The following CNTNAP4 variants were observed in gnomAD, a reference collection of about 807,000 sequenced individuals.
CNTNAP4 encodes contactin-associated protein-like 4.
A neutral mutation model predicts 148.4 loss-of-function variants in CNTNAP4; 98 were observed. The observed-to-expected ratio is 0.66, with a 90% CI of 0.56 to 0.78. The LOEUF (loss-of-function observed/expected upper bound fraction) is 0.78, where lower values mean the gene tolerates loss of function less well. Ranked by LOEUF, CNTNAP4 falls within the 30% of genes least tolerant of loss-of-function variation. The pLI is 0.00. For synonymous variants in CNTNAP4, 730 were observed against 565.1 expected (o/e 1.29, Z -4.14); for missense variants, 1,935 against 1,565.6 (o/e 1.24, Z -3.98).
intron 3 of CNTNAP4, among the ~76,000 whole-genome samples, chr16:76,359,595 G>C (rs910401057): frequency 1.3e-5 from 2 of 152,064 alleles, no homozygotes; most frequent in Admixed American, 6.5e-5. Flanking sequence ...ATGCAAACTT[G>C]ATAGATATGT....
chr16:76,420,279 A>AATGTATATTCTGTAG (rs2079141997), intron 3 of CNTNAP4, among the ~76,000 whole-genome samples: 1 of 150,214 alleles, frequency 6.7e-6, no homozygotes, highest in Admixed American at 6.6e-5. Flanking sequence ...TATAGGAGAT[A>AATGTATATTCTGTAG]AATATTAATT....
At chr16:76,383,057 C>A (rs897797633) in intron 3 of CNTNAP4, among the ~76,000 whole-genome samples, 1 of 151,486 alleles carries the variant, frequency 6.6e-6, no homozygotes, top group Non-Finnish European at 1.5e-5. Flanking sequence ...GCCAGAGAAT[C>A]AACTCATTAG....
intron 3 of CNTNAP4, among the ~76,000 whole-genome samples, chr16:76,360,530 A>C (rs566140597): frequency 3.6e-4 from 55 of 152,280 alleles, no homozygotes; most frequent in African/African-American, 1.2e-3. Flanking sequence ...TACAAGCAGC[A>C]TTTGTGGTGA....
intron 1 of CNTNAP4, among the ~76,000 whole-genome samples, chr16:76,310,309 A>C (rs1001269188): frequency 6.6e-6 from 1 of 152,050 alleles, no homozygotes; most frequent in African/African-American, 2.4e-5. Flanking sequence ...TCATTGTCAA[A>C]ATTTCTGAAT....
In CNTNAP4 at chr16:76,277,749, T is replaced by TAA; in HGVS notation, c.85+3_85+4dup. ...ACAGAGTCGAAGCTGGGAATTCCTG[T>TAA]AAGTATACAGCAAATGATTTAAAAC... On this transcript the variant is annotated splice_region_variant and intron_variant, in intron 1 of 23. Coordinates refer to ENST00000611870, the MANE Select transcript of CNTNAP4 (RefSeq NM_033401.5). 6.4e-7 allele frequency: 1 copy of TAA among 1,566,200 alleles called. No individual in the cohort carries two copies.
At chr16:76,323,790 C>G (rs1447219195) in intron 2 of CNTNAP4, among the ~76,000 whole-genome samples, 1 of 152,128 alleles carries the variant, frequency 6.6e-6, no homozygotes, top group Non-Finnish European at 1.5e-5. Flanking sequence ...GTCTTCAGCT[C>G]TAAATCAATC....
At chr16:76,379,235 T>A (rs1394617370) in intron 3 of CNTNAP4, among the ~76,000 whole-genome samples, 3 of 152,218 alleles carry the variant, frequency 2.0e-5, no homozygotes, top group South Asian at 2.1e-4. Flanking sequence ...TGCGAGAGAA[T>A]CATGGTTGTT....
intron 4 of CNTNAP4, among the ~76,000 whole-genome samples, chr16:76,432,003 A>G (rs1199796266): frequency 6.6e-6 from 1 of 152,164 alleles, no homozygotes; most frequent in Non-Finnish European, 1.5e-5. Flanking sequence ...ATTAAAACCT[A>G]TATAAATATC....
intron 4 of CNTNAP4, chr16:76,432,625 CA>C (rs1273412806): frequency 2.0e-5 from 3 of 152,152 alleles, no homozygotes; most frequent in Non-Finnish European, 4.4e-5. Flanking sequence ...CAATGGTGAA[CA>C]AAGGAAAATA....
intron 3 of CNTNAP4, among the ~76,000 whole-genome samples, chr16:76,412,653 T>C (rs750872142): frequency 2.1e-5 from 3 of 145,042 alleles, no homozygotes; most frequent in Non-Finnish European, 4.7e-5. Flanking sequence ...TTCGTAGATT[T>C]GTTAGGCATT....
At chr16:76,306,367 G>A (rs1960480905) in intron 1 of CNTNAP4, among the ~76,000 whole-genome samples, 2 of 151,966 alleles carry the variant, frequency 1.3e-5, no homozygotes, top group South Asian at 2.1e-4. Context: ...ATCAACAGTG[G>A]GCCCTTAACA....
chr16:76,356,321 A>G (rs2144507659), intron 3 of CNTNAP4, among the ~76,000 whole-genome samples: 1 of 152,054 alleles, frequency 6.6e-6, no homozygotes, highest in South Asian at 2.1e-4. Context: ...GTATATGCAT[A>G]CACATGTACG....
chr16:76,554,417 C>T (rs2085104359), intron 23 of CNTNAP4, among the ~76,000 whole-genome samples: 1 of 152,180 alleles, frequency 6.6e-6, no homozygotes, highest in African/African-American at 2.4e-5. Context: ...CTAAATATTA[C>T]ACTTTCAGTT....
intron 16 of CNTNAP4, 95 bp downstream of exon 16, chr16:76,521,405 A>G: frequency 7.0e-6 from 7 of 995,408 alleles, no homozygotes; most frequent in Non-Finnish European, 1.0e-5. Context: ...CTACTTTATC[A>G]TCTGATTCTT....
intron 3 of CNTNAP4, among the ~76,000 whole-genome samples, chr16:76,377,640 G>T (rs1448221812): frequency 6.6e-6 from 1 of 152,152 alleles, no homozygotes; most frequent in Non-Finnish European, 1.5e-5. Flanking sequence ...CCTGTGGTTT[G>T]CCAGAGGACC....
At chr16:76,420,217 A>G (rs1219540411) in intron 3 of CNTNAP4, among the ~76,000 whole-genome samples, 5 of 150,776 alleles carry the variant, frequency 3.3e-5, no homozygotes, top group African/African-American at 9.8e-5. Context: ...TGTAGAATAT[A>G]TATTAGAATA....
intron 17 of CNTNAP4, among the ~76,000 whole-genome samples, chr16:76,527,015 C>A (rs2083763756): frequency 6.6e-6 from 1 of 152,016 alleles, no homozygotes; most frequent in Non-Finnish European, 1.5e-5. Context: ...TTGTTTTCTC[C>A]CTTCATCTTA....
intron 1 of CNTNAP4, among the ~76,000 whole-genome samples, chr16:76,283,049 A>G (rs2143754804): frequency 6.6e-6 from 1 of 152,024 alleles, no homozygotes; most frequent in South Asian, 2.1e-4. Context: ...CTTAACTGAA[A>G]TATGACTTTC....
intron 3 of CNTNAP4, among the ~76,000 whole-genome samples, chr16:76,375,808 G>A (rs1429110381): frequency 6.6e-6 from 1 of 152,162 alleles, no homozygotes; most frequent in Non-Finnish European, 1.5e-5. Flanking sequence ...TAGTCGGATT[G>A]TCAGTTCAAG....
Sources: allele counts gnomAD v4.1 joint callset (sites outside exome capture counted in the v4.1 genomes callset), GRCh38; gene constraint gnomAD v4.1.1; transcripts MANE v1.5; gene names NCBI Gene and HGNC (gene_info 2026-07-23, HGNC 2026-07-21).